The following PRKN variants were observed in gnomAD, a reference collection of about 807,000 sequenced individuals.
PRKN encodes the protein E3 ubiquitin-protein ligase parkin.
A neutral mutation model predicts 59.5 loss-of-function variants in PRKN; 56 were observed. The observed-to-expected ratio is 0.94, with a 90% CI of 0.76 to 1.18. The LOEUF (loss-of-function observed/expected upper bound fraction) is 1.18. Ranked by LOEUF, PRKN falls within the 50% of genes most tolerant of loss-of-function variation. PRKN has a pLI of 0.00. For synonymous variants in PRKN, 250 were observed against 222.1 expected (o/e 1.13, Z -1.12); for missense variants, 657 against 596.4 (o/e 1.10, Z -1.06).
chr6:161,757,564 G>A (rs572772660), intron 7 of PRKN, among the ~76,000 whole-genome samples: 15 of 152,156 alleles, frequency 9.9e-5, no homozygotes, highest in East Asian at 7.8e-4. Context: ...CAGGCCAGGC[G>A]CAGTGGCTTA....
At position 161,500,804 on chromosome 6, in the gene PRKN, T is replaced by C. The variant is rs77114555; in HGVS notation, c.1083+48050A>G. ...GTTGTATACATAAGTTTTCAACTAA[T>C]TCAAGTAAATACCAAGAAGCATGTT... On this transcript the variant is annotated intron_variant, in intron 9 of 11. Coordinates refer to ENST00000366898, the MANE Select transcript of PRKN (RefSeq NM_004562.3). Among the ~76,000 whole-genome samples, 1,082 of 152,212 alleles carry C rather than the reference T, an allele frequency of 7.1e-3. 7 individuals are homozygous for C. Among genetic ancestry groups the C allele is most frequent in the Non-Finnish European group, 0.012 (806 of 68,004 alleles).
chr6:161,436,259 G>GCAGAGAGCAGGGGAGTGGAATGGGAGGGA (rs1405440638), intron 9 of PRKN, among the ~76,000 whole-genome samples: 5 of 109,002 alleles, frequency 4.6e-5, no homozygotes, highest in African/African-American at 1.1e-4. Flanking sequence ...AGATGTGAGG[G>GCAGAGAGCAGGGGAGTGGAATGGGAGGGA]CAGAGAGCAG....
At chr6:161,995,076 T>C (rs573714607) in intron 5 of PRKN, among the ~76,000 whole-genome samples, 12 of 152,256 alleles carry the variant, frequency 7.9e-5, no homozygotes, top group Admixed American at 2.0e-4. Context: ...AGTAGGGTAC[T>C]GGTATAAAAA....
intron 2 of PRKN, among the ~76,000 whole-genome samples, chr6:162,439,283 T>TCTTCCTTC (rs896369769): frequency 6.6e-6 from 1 of 151,892 alleles, no homozygotes; most frequent in Non-Finnish European, 1.5e-5. Context: ...GTTGGGGATT[T>TCTTCCTTC]CTTCCTTCCT....
chr6:162,457,957 TAA>T (rs1790960712), intron 1 of PRKN, among the ~76,000 whole-genome samples: 1 of 151,784 alleles, frequency 6.6e-6, no homozygotes, highest in African/African-American at 2.4e-5. Flanking sequence ...CCGTCTCTAA[TAA>T]AAACACAAAA....
At chr6:162,123,083 G>A (rs1216140822) in intron 4 of PRKN, among the ~76,000 whole-genome samples, 1 of 151,916 alleles carries the variant, frequency 6.6e-6, no homozygotes, top group African/African-American at 2.4e-5. Flanking sequence ...AAGAAAAAAC[G>A]GGGGATACTA....
In PRKN at chr6:161,545,837, C is replaced by G. The variant is rs1241531758; in HGVS notation, c.1083+3017G>C. ...AGGACAAGCATAAATGTGCCTGGTA[C>G]TCAGATCAGACTTGAATAGTCACCA... On this transcript the variant is annotated intron_variant, in intron 9 of 11. Coordinates refer to ENST00000366898, the MANE Select transcript of PRKN (RefSeq NM_004562.3). This position sits in a 1 kb window ranked among gnomAD's most constrained non-coding sequence, Gnocchi z 4.1. Among the ~76,000 whole-genome samples, 1 of 152,170 alleles carries G rather than the reference C, an allele frequency of 6.6e-6. No homozygotes were observed. Among genetic ancestry groups the G allele is most frequent in the Non-Finnish European group, 1.5e-5 (1 of 68,034 alleles).
intron 2 of PRKN, among the ~76,000 whole-genome samples, chr6:162,405,767 T>C (rs1191498707): frequency 6.6e-6 from 1 of 151,992 alleles, no homozygotes; most frequent in Admixed American, 6.6e-5. Flanking sequence ...GAATGTGCCA[T>C]CCGCAAGCCA....
chr6:161,717,931 T>C (rs1275739370), intron 7 of PRKN, among the ~76,000 whole-genome samples: 1 of 151,802 alleles, frequency 6.6e-6, no homozygotes, highest in South Asian at 2.1e-4. Context: ...TGCATGAGAG[T>C]GAAGAGGATG....
intron 6 of PRKN, among the ~76,000 whole-genome samples, chr6:161,940,716 C>T (rs936012117): frequency 3.3e-5 from 5 of 152,076 alleles, no homozygotes; most frequent in South Asian, 2.1e-4. Flanking sequence ...AAAGAAGAGC[C>T]GGAAAGTGAC....
intron 6 of PRKN, among the ~76,000 whole-genome samples, chr6:161,809,784 T>C (rs1326044571): frequency 6.6e-6 from 1 of 152,126 alleles, no homozygotes; most frequent in Non-Finnish European, 1.5e-5. Flanking sequence ...ATCAACAGAA[T>C]GTAAGAATGT....
chr6:162,248,885 T>A (rs1027408289), intron 3 of PRKN, among the ~76,000 whole-genome samples: 14 of 145,616 alleles, frequency 9.6e-5, no homozygotes, highest in African/African-American at 3.4e-4. Context: ...TGTATATAAT[T>A]TTTTTTTTTT....
chr6:161,771,730 G>C (rs1789702469), intron 7 of PRKN, among the ~76,000 whole-genome samples: 1 of 152,142 alleles, frequency 6.6e-6, no homozygotes, highest in Non-Finnish European at 1.5e-5. Context: ...ACAATTACTT[G>C]GTTTGGGTAT....
At chr6:161,732,091 A>ATTT (rs397888692) in intron 7 of PRKN, among the ~76,000 whole-genome samples, 4,098 of 142,218 alleles carry the variant, frequency 0.029, 201 homozygotes, top group African/African-American at 0.1. Context: ...TTCTTGTTCT[A>ATTT]TTTTTTTTTT....
intron 1 of PRKN, among the ~76,000 whole-genome samples, chr6:162,471,334 G>T (rs1041555187): frequency 1.1e-4 from 17 of 152,094 alleles, no homozygotes; most frequent in African/African-American, 1.4e-4. Context: ...CTGACCTCAG[G>T]TGATTCACCT....
At chr6:162,073,208 T>C (rs190315419) in intron 4 of PRKN, among the ~76,000 whole-genome samples, 1 of 152,342 alleles carries the variant, frequency 6.6e-6, no homozygotes, top group East Asian at 1.9e-4. Context: ...GAGAGAATTG[T>C]ACTCACGCTT....
chr6:162,552,364 G>A (rs1191410769), intron 1 of PRKN, among the ~76,000 whole-genome samples: 6 of 152,282 alleles, frequency 3.9e-5, no homozygotes, highest in East Asian at 1.9e-4. Flanking sequence ...CTGTATGAGC[G>A]GGTGGCGAGA....
In PRKN at chr6:161,561,964, G is replaced by A. The variant is rs1031355432; in HGVS notation, c.933+7391C>T. Reference sequence around the variant, plus strand: ...TGACTTTTGCCACAGTGTCACAGGCGAAGGACGCTCCCTGACCTCATCTTC... The same window carrying A: ...TGACTTTTGCCACAGTGTCACAGGCAAAGGACGCTCCCTGACCTCATCTTC... On this transcript the variant is annotated intron_variant, in intron 8 of 11. Coordinates refer to ENST00000366898, the MANE Select transcript of PRKN (RefSeq NM_004562.3). The surrounding 1 kb of genome is among the most constrained non-coding windows in gnomAD (Gnocchi z 5.0). 2.6e-5 allele frequency among the ~76,000 whole-genome samples: 4 copies of A among 152,076 alleles called. No homozygotes were observed. Among genetic ancestry groups the A allele is most frequent in the Non-Finnish European group, 5.9e-5 (4 of 68,026 alleles).
intron 1 of PRKN, among the ~76,000 whole-genome samples, chr6:162,671,471 G>T (rs1000756120): frequency 1.3e-5 from 2 of 149,444 alleles, no homozygotes; most frequent in African/African-American, 5.0e-5. Context: ...TGCACTCCAG[G>T]CTGGCAATAG....
Sources: gnomAD v4.1 joint callset for allele counts (sites outside exome capture counted in the v4.1 genomes callset) on GRCh38, gnomAD v4.1.1 for gene constraint, Gnocchi (gnomAD v3.1) non-coding constraint, MANE v1.5 for transcripts, NCBI Gene and HGNC (gene_info 2026-07-23, HGNC 2026-07-21) for gene names.